Variants in NABP1 observed in about 807,000 individuals in gnomAD.
NABP1 encodes nucleic acid binding protein 1, also known as SOSS complex subunit B2.
Under a neutral mutation model 25.0 loss-of-function variants are expected in NABP1, and 18 were observed. That is an observed-to-expected ratio of 0.72 (90% confidence interval 0.50 to 1.07). NABP1 has a LOEUF of 1.07. NABP1 is among the 50% of genes least tolerant of loss of function. The pLI, the probability that NABP1 is intolerant of heterozygous loss-of-function variation, is 0.00. For missense variants in NABP1, 270 were observed against 255.6 expected (o/e 1.06, Z -0.39); for synonymous variants, 71 against 85.0 (o/e 0.84, Z 0.91).
Position 191,686,156 on chromosome 2 carries a change from A to G in NABP1, c.*388A>G, listed in dbSNP as rs1268809181. 1 of 155,794 alleles carries G rather than the reference A, an allele frequency of 6.4e-6. No homozygotes were observed. Among genetic ancestry groups the G allele is most frequent in the East Asian group, 1.9e-4 (1 of 5,254 alleles). 9.7% of individuals were successfully genotyped at this position (155,794 alleles called of 1,614,324 possible). On this transcript the variant is annotated 3_prime_UTR_variant, in exon 6 of 6. Coordinates refer to ENST00000425611, the MANE Select transcript of NABP1 (RefSeq NM_001031716.5). ...AGATGTTCTTTTGTCTTGTATTCAG[A>G]TATTGCCAACTAAAGCAATAACCAT...
chr2:191,683,731 T>C lies in NABP1; in HGVS notation c.305T>C (p.Phe102Ser). ...ATTTTTTCTTTATTTTCTTTCAGAT[T>C]TTGTATGGTTTATTCAGAAGTGCCA... is the stretch of plus-strand genomic sequence containing the variant. ...RGGELQKIGE[F>S]CMVYSEVPNF... Residue 102 changes from phenylalanine (F) to serine (S), a missense_variant and splice_region_variant, in exon 4 of 6, where the codon TTT (phenylalanine) becomes TCT (serine). Physicochemically the swap from Phe to Ser is radical, Grantham distance 155. Coordinates refer to ENST00000425611, the MANE Select transcript of NABP1 (RefSeq NM_001031716.5). This position sits in a 1 kb window ranked among gnomAD's most constrained non-coding sequence, Gnocchi z 4.1. The C allele has an allele frequency of 6.2e-7, 1 of 1,610,858 alleles. No individual in the cohort carries two copies. The highest frequency in any genetic ancestry group is 8.5e-7 in the Non-Finnish European group (1 of 1,178,084).
chr2:191,678,511 C>T lies in NABP1; in HGVS notation c.-104C>T. On this transcript the variant is annotated 5_prime_UTR_variant, in exon 1 of 6. Transcript: ENST00000425611. ...CTGCCCCTTCTCTCGCCACCCCTGC[C>T]CAAGGTCGCCCCTCTGCCTTCGCCC... The T allele has an allele frequency of 1.3e-6, 1 of 747,232 alleles. No individual in the cohort carries two copies. Among genetic ancestry groups the T allele is most frequent in the Non-Finnish European group, 2.2e-6 (1 of 461,450 alleles). 46.3% of individuals were successfully genotyped at this position (747,232 alleles called of 1,614,324 possible). A position where few individuals can be genotyped will look rare whatever the true frequency, so the allele number is the denominator to read the frequency against.
chr2:191,685,787 G>T lies in NABP1; in HGVS notation c.*19G>T. 1 of 1,611,532 alleles carries T rather than the reference G, an allele frequency of 6.2e-7. No homozygotes were observed. Among genetic ancestry groups the T allele is most frequent in the Non-Finnish European group, 8.5e-7 (1 of 1,178,326 alleles). On this transcript the variant is annotated 3_prime_UTR_variant, in exon 6 of 6. Transcript: ENST00000425611. ...AAGATGACCTATGCTAAATACTCAT[G>T]TGTAGTTTTTATACTACATGCCCTA...
chr2:191,686,759 G>T lies in NABP1; in HGVS notation c.*991G>T, dbSNP rs946784841. 1.2e-4 allele frequency: 18 copies of T among 152,522 alleles called. No homozygotes were observed. Among genetic ancestry groups the T allele is most frequent in the Admixed American group, 7.2e-4 (11 of 15,272 alleles). The allele number at this position is 152,522 out of a possible 1,614,324, so 9.4% of individuals were successfully genotyped here. ...AGTTCACATAGCCTTATTAGCAAAAGTTTTAAGAAATGGCTCTATCAAAGA... is the reference window on the plus strand; with the variant it reads ...AGTTCACATAGCCTTATTAGCAAAATTTTTAAGAAATGGCTCTATCAAAGA... On this transcript the variant is annotated 3_prime_UTR_variant, in exon 6 of 6. Transcript: ENST00000425611.
In NABP1 at chr2:191,679,016, C is replaced by A; in HGVS notation, c.118C>A (p.His40Asn). 1.9e-6 allele frequency: 3 copies of A among 1,614,214 alleles called. No homozygotes were observed. Among genetic ancestry groups the A allele is most frequent in the Middle Eastern group, 1.6e-4 (1 of 6,062 alleles). The part of the protein sequence containing the change: ...IGRVTKTKDG[H>N]EVRSCKVADK... Reference sequence around the variant, plus strand: ...ACGCGTGACCAAAACCAAAGACGGCCATGAAGTGAGATCGTGCAAAGTAGC... The same window carrying A: ...ACGCGTGACCAAAACCAAAGACGGCAATGAAGTGAGATCGTGCAAAGTAGC... Residue 40 changes from histidine (H) to asparagine (N), a missense_variant, in exon 2 of 6, where the codon CAT becomes AAT. Transcript: ENST00000425611.
At position 191,681,928 on chromosome 2, in the gene NABP1, TG is replaced by T. The variant is rs1687695886; in HGVS notation, c.231-17del. On this transcript the variant is annotated splice_polypyrimidine_tract_variant and intron_variant, in intron 2 of 5. Transcript: ENST00000425611. ...AATAAATATATTTCTAAAGAATTAA[TG>T]TTTCTTTTCTCTCTAGGTATGCATC... 6.9e-7 allele frequency: 1 copy of T among 1,454,506 alleles called. No homozygotes were observed. The highest frequency in any genetic ancestry group is 1.5e-5 in the African/African-American group (1 of 68,306). 90.1% of individuals were successfully genotyped at this position (1,454,506 alleles called of 1,614,324 possible).
In NABP1 at chr2:191,685,539, T is replaced by A. The variant is rs1298070330; in HGVS notation, c.446-60T>A. Reference sequence around the variant, plus strand: ...ATTAATAACATGTTGGCACTTAAGATAGTTCTACTTCTATAGACTACCTCT... The same window carrying A: ...ATTAATAACATGTTGGCACTTAAGAAAGTTCTACTTCTATAGACTACCTCT... On this transcript the variant is annotated intron_variant, in intron 5 of 5. Coordinates refer to ENST00000425611, the MANE Select transcript of NABP1 (RefSeq NM_001031716.5). The A allele has an allele frequency of 2.8e-6, 4 of 1,430,828 alleles. No homozygotes were observed. The East Asian group carries it at 7.4e-5, about 26-fold the overall frequency. 88.6% of individuals were successfully genotyped at this position (1,430,828 alleles called of 1,614,324 possible).
At position 191,685,769 on chromosome 2, in the gene NABP1, C is replaced by G. The variant is rs778305675; in HGVS notation, c.*1C>G. 24 of 1,613,610 alleles carry G rather than the reference C, an allele frequency of 1.5e-5. No homozygotes were observed. The Admixed American group carries it at 4.0e-4, about 27-fold the overall frequency. On this transcript the variant is annotated 3_prime_UTR_variant, in exon 6 of 6. Transcript: ENST00000425611. The stretch of plus-strand genomic sequence containing the variant: ...CCCTCGGAGAGCCTTTAAAAGATGA[C>G]CTATGCTAAATACTCATGTGTAGTT...
At chr2:191,680,448 A>G (rs573540453) in intron 2 of NABP1, among the ~76,000 whole-genome samples, 4 of 152,262 alleles carry the variant, frequency 2.6e-5, no homozygotes, top group East Asian at 3.8e-4. Context: ...ACACTGACTC[A>G]TGACAGTAAT....
intron 2 of NABP1, among the ~76,000 whole-genome samples, chr2:191,681,375 T>C (rs1342892545): frequency 6.6e-6 from 1 of 152,214 alleles, no homozygotes; most frequent in Non-Finnish European, 1.5e-5. Context: ...TTTGCCAGTT[T>C]GTTTACTACA....
rs148543534 is a variant in NABP1 at position 191,684,084 on chromosome 2, C to T, written c.379-146C>T. 6.6e-4 allele frequency: 361 copies of T among 548,516 alleles called. 5 individuals are homozygous for T. Among genetic ancestry groups the T allele is most frequent in the South Asian group, 3.6e-3 (123 of 34,632 alleles). The allele number at this position is 548,516 out of a possible 1,614,324, so 34.0% of individuals were successfully genotyped here. ...TTCTTAACATTATAACCTTTAATGA[C>T]CTAGGAAAAATCTTTAAAAAATTTG... On this transcript the variant is annotated intron_variant, in intron 4 of 5. Transcript: ENST00000425611.
Position 191,678,153 on chromosome 2 carries a change from C to T in NABP1, c.-462C>T, listed in dbSNP as rs1219153036. On this transcript the variant is annotated 5_prime_UTR_variant, in exon 1 of 6. Coordinates refer to ENST00000425611, the MANE Select transcript of NABP1 (RefSeq NM_001031716.5). ...TGTTCATCAGTCGCTGTTTGGGACG[C>T]TGGGTGTGCGGTGTTCTGTCTCCGC... The T allele has an allele frequency of 1.3e-5, 2 of 152,770 alleles. No homozygotes were observed. Among genetic ancestry groups the T allele is most frequent in the Non-Finnish European group, 2.9e-5 (2 of 68,344 alleles). The allele number at this position is 152,770 out of a possible 1,614,324, so 9.5% of individuals were successfully genotyped here.
chr2:191,686,175 T>TAACC lies in NABP1; in HGVS notation c.*409_*412dup, dbSNP rs1241301255. The TAACC allele has an allele frequency of 1.3e-5, 2 of 153,924 alleles. No homozygotes were observed. The highest frequency in any genetic ancestry group is 2.9e-5 in the Non-Finnish European group (2 of 69,228). The allele number at this position is 153,924 out of a possible 1,614,324, so 9.5% of individuals were successfully genotyped here. A position where few individuals can be genotyped will look rare whatever the true frequency, so the allele number is the denominator to read the frequency against. ...ATTCAGATATTGCCAACTAAAGCAATAACCATCAAAAAACACAAGAACTTG... is the reference window on the plus strand; with the variant it reads ...ATTCAGATATTGCCAACTAAAGCAATAACCAACCATCAAAAAACACAAGAACTTG... On this transcript the variant is annotated 3_prime_UTR_variant, in exon 6 of 6. Coordinates refer to ENST00000425611, the MANE Select transcript of NABP1 (RefSeq NM_001031716.5).
chr2:191,682,519 G>A, intron 3 of NABP1: 2 of 471,104 alleles, frequency 4.2e-6, no homozygotes, highest in South Asian at 3.1e-5. Context: ...CAGCCGCAAT[G>A]CGAGATTCCA....
At position 191,685,634 on chromosome 2, in the gene NABP1, C is replaced by T; in HGVS notation, c.481C>T (p.His161Tyr). The T allele has an allele frequency of 1.2e-6, 2 of 1,613,728 alleles. No individual in the cohort carries two copies. The highest frequency in any genetic ancestry group is 1.3e-5 in the African/African-American group (1 of 75,022). The change falls in exon 6 of 6, where the codon CAC becomes TAC. Residue 161 changes from histidine (H) to tyrosine (Y), a missense_variant. By Grantham distance (83) the His-to-Tyr change is moderately conservative. Coordinates refer to ENST00000425611, the MANE Select transcript of NABP1 (RefSeq NM_001031716.5). ...GVHTGPESRE[H>Y]QFSHAGRSNG... ...TCACACTGGCCCTGAATCAAGGGAACACCAGTTTTCACATGCTGGCAGAAG... is the reference window on the plus strand; with the variant it reads ...TCACACTGGCCCTGAATCAAGGGAATACCAGTTTTCACATGCTGGCAGAAG...
At position 191,678,527 on chromosome 2, in the gene NABP1, G is replaced by A. The variant is rs1189276872; in HGVS notation, c.-88G>A. ...CACCCCTGCCCAAGGTCGCCCCTCT[G>A]CCTTCGCCCCTGTCCCGGGAGGGTG... On this transcript the variant is annotated 5_prime_UTR_variant, in exon 1 of 6. Transcript: ENST00000425611. The A allele has an allele frequency of 1.1e-6, 1 of 921,232 alleles. No individual in the cohort carries two copies. The highest frequency in any genetic ancestry group is 1.6e-5 in the South Asian group (1 of 63,916). 57.1% of individuals were successfully genotyped at this position (921,232 alleles called of 1,614,324 possible).
intron 5 of NABP1, 105 bp from the exon 6 acceptor site, chr2:191,685,494 G>A: frequency 4.1e-6 from 4 of 968,592 alleles, no homozygotes; most frequent in Admixed American, 3.0e-5. Context: ...ATAAAAGTGT[G>A]TGCTTTAATA....
chr2:191,684,080 A>G, intron 4 of NABP1, 150 bp from the exon 5 acceptor site: 1 of 560,506 alleles, frequency 1.8e-6, no homozygotes, highest in Non-Finnish European at 3.0e-6. Flanking sequence ...ATAACCTTTA[A>G]TGACCTAGGA....
Position 191,678,422 on chromosome 2 carries a change from T to G in NABP1, c.-193T>G. On this transcript the variant is annotated 5_prime_UTR_variant, in exon 1 of 6. Coordinates refer to ENST00000425611, the MANE Select transcript of NABP1 (RefSeq NM_001031716.5). ...GTGAGCCTTTTTTTTTTTTTTTTTT[T>G]TTTTTCTTTTTTTAGGCTCAGTGCT... The G allele has an allele frequency of 1.5e-5, 4 of 259,800 alleles. No individual in the cohort carries two copies. Among genetic ancestry groups the G allele is most frequent in the East Asian group, 1.2e-4 (2 of 17,368 alleles). The allele number at this position is 259,800 out of a possible 1,614,324, so 16.1% of individuals were successfully genotyped here. A position where few individuals can be genotyped will look rare whatever the true frequency, so the allele number is the denominator to read the frequency against.
Sources: allele counts gnomAD v4.1 joint callset (sites outside exome capture counted in the v4.1 genomes callset), GRCh38; gene constraint gnomAD v4.1.1; non-coding constraint Gnocchi (gnomAD v3.1); transcripts MANE v1.5; gene names NCBI Gene and HGNC (gene_info 2026-07-23, HGNC 2026-07-21).